Variants in MAD1L1 observed in about 807,000 individuals in gnomAD.
MAD1L1 encodes mitotic spindle assembly checkpoint protein MAD1.
A neutral mutation model predicts 96.9 loss-of-function variants in MAD1L1; 95 were observed. The observed-to-expected ratio is 0.98, with a 90% CI of 0.83 to 1.16. The LOEUF is 1.16. MAD1L1 is among the 50% of genes most tolerant of loss of function. The pLI is 0.00. For synonymous variants in MAD1L1, 473 were observed against 396.6 expected (o/e 1.19, Z -2.29); for missense variants, 1,007 against 954.4 (o/e 1.06, Z -0.73).
At chr7:1,920,935 G>C (rs1464375856) in intron 17 of MAD1L1, among the ~76,000 whole-genome samples, 1 of 152,242 alleles carries the variant, frequency 6.6e-6, no homozygotes, top group Non-Finnish European at 1.5e-5. Context: ...AAAGGGTGCA[G>C]ATTCATGTTC....
intron 18 of MAD1L1, among the ~76,000 whole-genome samples, chr7:1,888,590 G>A (rs532947848): frequency 1.3e-4 from 20 of 151,384 alleles, no homozygotes; most frequent in Middle Eastern, 3.5e-3. Flanking sequence ...GCATGCATGC[G>A]TGCATGTGGC....
intron 18 of MAD1L1, among the ~76,000 whole-genome samples, chr7:1,839,294 G>A (rs866571994): frequency 1.3e-5 from 2 of 152,062 alleles, no homozygotes; most frequent in Non-Finnish European, 1.5e-5. Context: ...ACAGACACTC[G>A]GGGTCCCAGG....
chr7:1,871,492 C>T (rs1237216361), intron 18 of MAD1L1, among the ~76,000 whole-genome samples: 6 of 144,660 alleles, frequency 4.1e-5, no homozygotes, highest in African/African-American at 1.0e-4. Flanking sequence ...ACCCAACCTA[C>T]GCCTGCCACG....
intron 12 of MAD1L1, among the ~76,000 whole-genome samples, chr7:2,041,580 C>T (rs1783675962): frequency 6.6e-6 from 1 of 152,228 alleles, no homozygotes; most frequent in Non-Finnish European, 1.5e-5. Flanking sequence ...CAGCTCTGTC[C>T]CCTGCTGTCA....
At chr7:1,942,181 G>A (rs1474978529) in intron 16 of MAD1L1, among the ~76,000 whole-genome samples, 1 of 152,220 alleles carries the variant, frequency 6.6e-6, no homozygotes, top group Non-Finnish European at 1.5e-5. Context: ...ATACAGGGGT[G>A]GAGCTGCCAC....
At position 2,216,012 on chromosome 7, in the gene MAD1L1, C is replaced by T; in HGVS notation, c.810-13G>A. Reference sequence around the variant, plus strand: ...CTCTCTCATCTCCCTGGCAGTGCCACAAAGAGTCGCTCAAATAGCCACACA... The same window carrying T: ...CTCTCTCATCTCCCTGGCAGTGCCATAAAGAGTCGCTCAAATAGCCACACA... On this transcript the variant is annotated splice_polypyrimidine_tract_variant and intron_variant, in intron 8 of 18. Transcript: ENST00000265854. 1 of 1,613,692 alleles carries T rather than the reference C, an allele frequency of 6.2e-7. No homozygotes were observed. The highest frequency in any genetic ancestry group is 8.5e-7 in the Non-Finnish European group (1 of 1,179,740).
chr7:2,190,818 C>A (rs1791683676), intron 10 of MAD1L1, among the ~76,000 whole-genome samples: 1 of 152,060 alleles, frequency 6.6e-6, no homozygotes, highest in African/African-American at 2.4e-5. Context: ...GGATGCGGGG[C>A]CAGCGGAATT....
chr7:1,915,202 T>C (rs897107054), intron 17 of MAD1L1, among the ~76,000 whole-genome samples: 3 of 152,172 alleles, frequency 2.0e-5, no homozygotes, highest in Non-Finnish European at 2.9e-5. Context: ...ATGAACCCCC[T>C]GCCCTAATGG....
At chr7:2,179,728 G>C (rs1281441185) in intron 10 of MAD1L1, among the ~76,000 whole-genome samples, 1 of 151,964 alleles carries the variant, frequency 6.6e-6, no homozygotes, top group Non-Finnish European at 1.5e-5. Context: ...CCAGCACTTT[G>C]GGAGGCCAAG....
intron 12 of MAD1L1, among the ~76,000 whole-genome samples, chr7:2,032,224 G>A (rs1562623132): frequency 6.6e-6 from 1 of 152,210 alleles, no homozygotes; most frequent in South Asian, 2.1e-4. Context: ...AAAAATGAAC[G>A]AGTGAAACCA....
chr7:2,136,095 C>T (rs1296346919), intron 11 of MAD1L1, among the ~76,000 whole-genome samples: 1 of 152,128 alleles, frequency 6.6e-6, no homozygotes, highest in Admixed American at 6.5e-5. Context: ...GCCGCACTTG[C>T]CCCACGCTGA....
chr7:1,846,125 G>A (rs1783607162), intron 18 of MAD1L1: 1 of 152,668 alleles, frequency 6.6e-6, no homozygotes, highest in Admixed American at 6.5e-5. Flanking sequence ...CAGAACTGAA[G>A]AAGGGACCAG....
chr7:2,019,355 C>A (rs912045511), intron 12 of MAD1L1, among the ~76,000 whole-genome samples: 1 of 152,212 alleles, frequency 6.6e-6, no homozygotes, highest in South Asian at 2.1e-4. Context: ...TGGGGCCCAT[C>A]GAGAACATGA....
chr7:2,205,880 T>A (rs1792573948), intron 10 of MAD1L1, among the ~76,000 whole-genome samples: 1 of 152,234 alleles, frequency 6.6e-6, no homozygotes, highest in Non-Finnish European at 1.5e-5. Context: ...ACACCTGTAA[T>A]CCCAGTGCTT....
intron 11 of MAD1L1, among the ~76,000 whole-genome samples, chr7:2,074,060 G>A (rs1408284837): frequency 3.3e-5 from 5 of 152,166 alleles, no homozygotes; most frequent in East Asian, 3.9e-4. Context: ...AACCATGTCC[G>A]GGATGTTTGC....
chr7:2,210,415 CGT>C (rs879554198), intron 10 of MAD1L1, among the ~76,000 whole-genome samples: 2,561 of 144,194 alleles, frequency 0.018, 147 homozygotes, highest in Admixed American at 0.028. Flanking sequence ...TTCTAGGAGC[CGT>C]ATTCGGGACC....
chr7:2,182,644 C>A (rs1170633082), intron 10 of MAD1L1, among the ~76,000 whole-genome samples: 2 of 152,138 alleles, frequency 1.3e-5, no homozygotes, highest in Non-Finnish European at 2.9e-5. Context: ...TGGAAGGGAG[C>A]GCTGATCCGT....
intron 18 of MAD1L1, among the ~76,000 whole-genome samples, chr7:1,826,383 T>C (rs549040230): frequency 4.6e-5 from 7 of 152,276 alleles, no homozygotes. Context: ...TGTTACAGCC[T>C]ATGCCTGACT....
chr7:2,196,448 C>T (rs983349649), intron 10 of MAD1L1, among the ~76,000 whole-genome samples: 10 of 152,228 alleles, frequency 6.6e-5, no homozygotes, highest in African/African-American at 1.9e-4. Flanking sequence ...TCCCGCAAAA[C>T]GCTCCTGCGG....
Sources: gnomAD v4.1 joint callset for allele counts (sites outside exome capture counted in the v4.1 genomes callset) on GRCh38, gnomAD v4.1.1 for gene constraint, MANE v1.5 for transcripts, NCBI Gene and HGNC (gene_info 2026-07-23, HGNC 2026-07-21) for gene names.